The following TOP1MT variants were observed in gnomAD, a reference collection of about 807,000 sequenced individuals.
TOP1MT encodes the protein DNA topoisomerase I mitochondrial, also known as DNA topoisomerase I, mitochondrial.
In TOP1MT, 80 loss-of-function variants were observed where a neutral mutation model predicts 73.9. That is an observed-to-expected ratio of 1.08 (90% CI 0.90 to 1.30). TOP1MT has a LOEUF of 1.30. TOP1MT is among the 50% of genes most tolerant of loss of function. The probability of loss-of-function intolerance (pLI) is 0.00; values close to 1 mark genes in which losing one functional copy is unlikely to be tolerated. For synonymous variants in TOP1MT, 338 were observed against 326.4 expected (o/e 1.04, Z -0.38); for missense variants, 815 against 808.0 (o/e 1.01, Z -0.10).
chr8:143,342,409 TTA>T (rs201858001), intron 2 of TOP1MT, among the ~76,000 whole-genome samples: 1,370 of 130,518 alleles, frequency 0.01, 42 homozygotes, highest in African/African-American at 0.051. Flanking sequence ...ATTATTATTA[TTA>T]GAGACAGAGT....
chr8:143,309,860 C>T, intron 13 of TOP1MT: 1 of 1,537,726 alleles, frequency 6.5e-7, no homozygotes, highest in Non-Finnish European at 8.7e-7. Flanking sequence ...CTGTCAGCAC[C>T]CCCACTTCAC....
intron 7 of TOP1MT, among the ~76,000 whole-genome samples, chr8:143,322,262 C>G (rs1282868861): frequency 1.7e-4 from 7 of 41,654 alleles, no homozygotes; most frequent in Non-Finnish European, 2.2e-4. Context: ...ACGCCACACA[C>G]ACACGCCACA....
In TOP1MT at chr8:143,334,622, C is replaced by T; in HGVS notation, c.122+118G>A. ...CGGCACGCATGCTCTCCTGGCCCGA[C>T]TTTTGGGAAAACCGGAAGCAGGGCA... On this transcript the variant is annotated intron_variant, in intron 1 of 13. Transcript: ENST00000329245. 2.1e-6 allele frequency: 3 copies of T among 1,463,350 alleles called. No individual in the cohort carries two copies. The South Asian group carries it at 3.8e-5, about 18-fold the overall frequency. The allele number at this position is 1,463,350 out of a possible 1,614,324, so 90.6% of individuals were successfully genotyped here. A position where few individuals can be genotyped will look rare whatever the true frequency, so the allele number is the denominator to read the frequency against.
upstream of TOP1MT, among the ~76,000 whole-genome samples, chr8:143,357,836 G>A (rs919887472): frequency 2.0e-5 from 3 of 151,728 alleles, no homozygotes; most frequent in Non-Finnish European, 4.4e-5. Flanking sequence ...CAGGAGAATC[G>A]CTAGAAACTG....
chr8:143,310,435 A>C, intron 12 of TOP1MT: 1 of 429,014 alleles, frequency 2.3e-6, no homozygotes, highest in Non-Finnish European at 4.1e-6. Context: ...CCGTGGGCGG[A>C]GGGTGAGCAG....
At chr8:143,333,464 A>C (rs567329246) in intron 1 of TOP1MT, among the ~76,000 whole-genome samples, 1 of 152,084 alleles carries the variant, frequency 6.6e-6, no homozygotes, top group African/African-American at 2.4e-5. Flanking sequence ...ATAATAATAA[A>C]AATAAAAATA....
At chr8:143,356,078 A>G (rs1419899513), upstream of TOP1MT, 5 of 152,266 alleles carry the variant, frequency 3.3e-5, no homozygotes, top group Non-Finnish European at 7.3e-5. Context: ...GGACATTTCC[A>G]TGTCATAATA....
chr8:143,356,794 A>G (rs1014779188), upstream of TOP1MT, among the ~76,000 whole-genome samples: 2 of 136,464 alleles, frequency 1.5e-5, no homozygotes, highest in African/African-American at 2.8e-5. Flanking sequence ...TCAAAAAAAA[A>G]AAAAAAAAAA....
Position 143,322,540 on chromosome 8 carries a change from C to T in TOP1MT, c.961-1154G>A, listed in dbSNP as rs796986494. Among the ~76,000 whole-genome samples the T allele has an allele frequency of 1.5e-3, 183 of 121,648 alleles. 4 individuals are homozygous for T. The highest frequency in any genetic ancestry group is 5.0e-3 in the African/African-American group (158 of 31,584). 79.8% of individuals were successfully genotyped at this position (121,648 alleles called of 152,430 possible). ...ACACAACAGGCACGCCAAAGATGCA[C>T]GCCACACACACGCACGCCACACACA... On this transcript the variant is annotated intron_variant, in intron 7 of 13. Transcript: ENST00000329245.
upstream of TOP1MT, chr8:143,334,979 C>T: frequency 1.8e-6 from 2 of 1,109,876 alleles, no homozygotes; most frequent in Non-Finnish European, 2.2e-6. Flanking sequence ...GGCGCTCATC[C>T]CAAGGCTGGG....
In TOP1MT at chr8:143,323,808, C is replaced by A. The variant is rs573285724; in HGVS notation, c.960+191G>T. Among the ~76,000 whole-genome samples the A allele has an allele frequency of 1.2e-3, 182 of 152,106 alleles. 1 individual carries two copies. The highest frequency in any genetic ancestry group is 4.1e-3 in the African/African-American group (171 of 41,474). On this transcript the variant is annotated intron_variant, in intron 7 of 13. Transcript: ENST00000329245. ...ACCACACGCACAAGTGCACACACAC[C>A]ACACAATGCACATGCACACCCTACA...
chr8:143,343,250 G>A (rs945655226), exon 2 of TOP1MT: 1 of 456,098 alleles, frequency 2.2e-6, no homozygotes, highest in Non-Finnish European at 4.4e-6. Flanking sequence ...GCTTTTCATG[G>A]TGATTAGTCT....
Position 143,310,121 on chromosome 8 carries a change from C to G in TOP1MT, c.1650G>C (p.Val550=). ...AGTTGAGCTTGGACGTGCCCAGGGC[C>G]ACCTGCTTGTTCTCCTCCTTGTCCG... is the stretch of plus-strand genomic sequence containing the variant. ...QATDKEENKQ[V]ALGTSKLNYL... Residue 550 remains valine, a synonymous_variant, in exon 13 of 14, where the codon GTG becomes GTC. Transcript: ENST00000329245. The G allele has an allele frequency of 6.2e-7, 1 of 1,613,710 alleles. No individual in the cohort carries two copies. The highest frequency in any genetic ancestry group is 8.5e-7 in the Non-Finnish European group (1 of 1,179,976).
intron 1 of TOP1MT, among the ~76,000 whole-genome samples, chr8:143,352,588 G>C (rs1026649954): frequency 1.3e-5 from 2 of 152,168 alleles, no homozygotes; most frequent in African/African-American, 4.8e-5. Context: ...AAAAAACATA[G>C]GTATAAATCT....
intron 1 of TOP1MT, among the ~76,000 whole-genome samples, chr8:143,333,113 G>C (rs1464007243): frequency 1.3e-5 from 2 of 152,080 alleles, no homozygotes; most frequent in Admixed American, 1.3e-4. Context: ...GATGGATCAT[G>C]TCGGGTGTGA....
chr8:143,323,036 ACGC>A (rs1816556409), intron 7 of TOP1MT, among the ~76,000 whole-genome samples: 1 of 64,244 alleles, frequency 1.6e-5, no homozygotes, highest in Non-Finnish European at 3.0e-5. Flanking sequence ...ACACACATGC[ACGC>A]CACACAGGCA....
intron 12 of TOP1MT, among the ~76,000 whole-genome samples, chr8:143,314,576 G>C (rs1001180186): frequency 1.5e-5 from 2 of 133,666 alleles, no homozygotes; most frequent in African/African-American, 5.5e-5. Flanking sequence ...CCTGGCGACA[G>C]AGACTCCATC....
At chr8:143,311,783 G>C (rs1309174879) in intron 12 of TOP1MT, among the ~76,000 whole-genome samples, 4 of 150,768 alleles carry the variant, frequency 2.7e-5, no homozygotes, top group Non-Finnish European at 2.9e-5. Context: ...CCACAATAAT[G>C]AGGAATGAAT....
At chr8:143,309,966 G>A (rs868285891) in intron 13 of TOP1MT, 102 bp downstream of exon 13, 2 of 1,597,252 alleles carry the variant, frequency 1.3e-6, no homozygotes, top group African/African-American at 1.3e-5. Flanking sequence ...TGACCCCAGG[G>A]GACACGGGAC....
Sources: gnomAD v4.1 joint callset for allele counts (sites outside exome capture counted in the v4.1 genomes callset) on GRCh38, gnomAD v4.1.1 for gene constraint, MANE v1.5 for transcripts, NCBI Gene and HGNC (gene_info 2026-07-23, HGNC 2026-07-21) for gene names.